GNAI1: variants seen among roughly 807,000 people sequenced by gnomAD.
The protein encoded by GNAI1 is guanine nucleotide-binding protein G(i) subunit alpha-1.
Under a neutral mutation model 38.9 loss-of-function variants are expected in GNAI1, and 11 were observed. The observed-to-expected ratio is 0.28, with a 90% CI of 0.18 to 0.47. GNAI1 has a LOEUF of 0.47. GNAI1 is among the 20% of genes least tolerant of loss of function. The pLI, the probability that GNAI1 is intolerant of heterozygous loss-of-function variation, is 0.99. For synonymous variants in GNAI1, 166 were observed against 145.1 expected (o/e 1.14, Z -1.04); for missense variants, 317 against 436.9 (o/e 0.73, Z 2.45).
chr7:80,202,459 T>G (rs1286403844), intron 4 of GNAI1, among the ~76,000 whole-genome samples: 1 of 152,188 alleles, frequency 6.6e-6, no homozygotes, highest in African/African-American at 2.4e-5. Context: ...AGCTCATTAT[T>G]TTAAAGAGGC....
Position 80,219,027 on chromosome 7 carries a change from T to TTTTGTGTGTG in GNAI1, c.*1535_*1536insTTGTGTGTGT, listed in dbSNP as rs1554353980. On this transcript the variant is annotated 3_prime_UTR_variant, in exon 8 of 8. Coordinates refer to ENST00000649796, the MANE Select transcript of GNAI1 (RefSeq NM_002069.6). Reference sequence around the variant, plus strand: ...GTGTTGTCACTGGGTTGAAGTATATTTGTGTGTGTGTGTGTGTGTGTGTGT... The same window carrying TTTTGTGTGTG: ...GTGTTGTCACTGGGTTGAAGTATATTTTTGTGTGTGTGTGTGTGTGTGTGTGTGTGTGTGT... 3 of 145,836 alleles carry TTTTGTGTGTG rather than the reference T, an allele frequency of 2.1e-5. No homozygotes were observed. Among genetic ancestry groups the TTTTGTGTGTG allele is most frequent in the Admixed American group, 6.9e-5 (1 of 14,482 alleles). The allele number at this position is 145,836 out of a possible 1,614,324, so 9.0% of individuals were successfully genotyped here.
At chr7:80,137,322 T>C (rs1289593240) in intron 1 of GNAI1, among the ~76,000 whole-genome samples, 14 of 124,114 alleles carry the variant, frequency 1.1e-4, no homozygotes, top group East Asian at 6.5e-4. Flanking sequence ...CTTTTCTTTT[T>C]TTTTTTTTTT....
At chr7:80,200,018 A>C (rs928383697) in intron 4 of GNAI1, among the ~76,000 whole-genome samples, 1 of 152,076 alleles carries the variant, frequency 6.6e-6, no homozygotes. Context: ...AGTTGTGATG[A>C]AACCTAATCA....
intron 1 of GNAI1, among the ~76,000 whole-genome samples, chr7:80,141,315 G>C (rs1224058608): frequency 6.6e-6 from 1 of 152,082 alleles, no homozygotes; most frequent in African/African-American, 2.4e-5. Context: ...ATCTCAACCA[G>C]GGCTCTTGAT....
chr7:80,137,839 C>G (rs1787453108), intron 1 of GNAI1, among the ~76,000 whole-genome samples: 2 of 152,182 alleles, frequency 1.3e-5, no homozygotes, highest in East Asian at 1.9e-4. Flanking sequence ...GCCCAGAGTT[C>G]CATCACCCTA....
intron 7 of GNAI1, among the ~76,000 whole-genome samples, chr7:80,214,320 TG>T (rs1788925403): frequency 6.6e-6 from 1 of 152,168 alleles, no homozygotes; most frequent in African/African-American, 2.4e-5. Context: ...AGAGTCAAGA[TG>T]GCTTAATTTT....
intron 1 of GNAI1, among the ~76,000 whole-genome samples, chr7:80,150,841 C>T (rs1357490242): frequency 6.6e-6 from 1 of 152,134 alleles, no homozygotes; most frequent in African/African-American, 2.4e-5. Context: ...ATTGCATTGT[C>T]CATCCATCAT....
At chr7:80,168,369 C>A (rs1204094127) in intron 1 of GNAI1, among the ~76,000 whole-genome samples, 1 of 152,030 alleles carries the variant, frequency 6.6e-6, no homozygotes, top group Non-Finnish European at 1.5e-5. Flanking sequence ...TAATATTCAC[C>A]ATTTTAATTA....
chr7:80,142,575 T>C (rs1243338592), intron 1 of GNAI1, among the ~76,000 whole-genome samples: 1 of 152,258 alleles, frequency 6.6e-6, no homozygotes, highest in African/African-American at 2.4e-5. Context: ...GTCAGACTTA[T>C]CATCTGATGG....
In GNAI1 at chr7:80,152,674, C is replaced by T. The variant is rs1183841474; in HGVS notation, c.118+17396C>T. Among the ~76,000 whole-genome samples the T allele has an allele frequency of 4.6e-5, 7 of 151,362 alleles. No individual in the cohort carries two copies. The East Asian group carries it at 1.2e-3, about 25-fold the overall frequency. The stretch of plus-strand genomic sequence containing the variant: ...CTTCCGGGTTCATGCCATTCTCCTG[C>T]CTCAGCCTCCCGAGTAGCTGGGACT... On this transcript the variant is annotated intron_variant, in intron 1 of 7. Transcript: ENST00000649796.
chr7:80,202,532 C>A (rs1389373479), intron 4 of GNAI1, among the ~76,000 whole-genome samples: 1 of 152,122 alleles, frequency 6.6e-6, no homozygotes, highest in Non-Finnish European at 1.5e-5. Context: ...TAAAGTAGAA[C>A]ATTTAGAATT....
chr7:80,208,027 A>G (rs1788806319), intron 5 of GNAI1, among the ~76,000 whole-genome samples: 2 of 152,154 alleles, frequency 1.3e-5, no homozygotes, highest in Non-Finnish European at 2.9e-5. Context: ...TGGGAATGCA[A>G]CATCCAGTTT....
At chr7:80,182,168 A>G (rs966680023) in intron 1 of GNAI1, among the ~76,000 whole-genome samples, 1 of 152,156 alleles carries the variant, frequency 6.6e-6, no homozygotes, top group Non-Finnish European at 1.5e-5. Context: ...CCATACTATC[A>G]CGAATGACAG....
At chr7:80,171,617 A>G (rs1025739709) in intron 1 of GNAI1, among the ~76,000 whole-genome samples, 10 of 152,214 alleles carry the variant, frequency 6.6e-5, no homozygotes, top group African/African-American at 2.2e-4. Flanking sequence ...ACTAGGGTGC[A>G]GGGCGAAACA....
intron 1 of GNAI1, among the ~76,000 whole-genome samples, chr7:80,169,901 G>A (rs1788072831): frequency 6.6e-6 from 1 of 152,010 alleles, no homozygotes; most frequent in Non-Finnish European, 1.5e-5. Context: ...GACATTTCTG[G>A]ACATTTCGTA....
chr7:80,146,923 T>C (rs568975404), intron 1 of GNAI1, among the ~76,000 whole-genome samples: 19 of 152,336 alleles, frequency 1.2e-4, no homozygotes, highest in African/African-American at 3.6e-4. Context: ...ATTATTGCTG[T>C]TTTATAGTTA....
rs1562849917 is a variant in GNAI1 at position 80,225,741 on chromosome 7, T to C, written c.*8248T>C. On this transcript the variant is annotated 3_prime_UTR_variant, in exon 8 of 8. Transcript: ENST00000649796. ...GTTTGCTCTTTAACAGTCAATAAAA[T>C]CATATCTACTAATCAATACATTTGA... is the stretch of plus-strand genomic sequence containing the variant. 6.6e-6 allele frequency among the ~76,000 whole-genome samples: 1 copy of C among 152,192 alleles called. No homozygotes were observed. Among genetic ancestry groups the C allele is most frequent in the Non-Finnish European group, 1.5e-5 (1 of 68,030 alleles).
chr7:80,217,228 A>ATGAAACTGACTTCAGTTTCTTATGTC, intron 7 of GNAI1, 75 bp from the exon 8 acceptor site: 1 of 988,076 alleles, frequency 1.0e-6, no homozygotes, highest in Non-Finnish European at 1.5e-6. Context: ...TTTCATATGT[A>ATGAAACTGACTTCAGTTTCTTATGTC]TGAAACTGAA....
intron 1 of GNAI1, among the ~76,000 whole-genome samples, chr7:80,180,699 C>G (rs1231309318): frequency 6.6e-6 from 1 of 152,120 alleles, no homozygotes; most frequent in African/African-American, 2.4e-5. Context: ...GCTGGGAAAT[C>G]AAGGTGGATT....
Sources: gnomAD v4.1 joint callset for allele counts (sites outside exome capture counted in the v4.1 genomes callset) on GRCh38, gnomAD v4.1.1 for gene constraint, MANE v1.5 for transcripts, NCBI Gene and HGNC (gene_info 2026-07-23, HGNC 2026-07-21) for gene names.